The following DSTYK variants were observed in gnomAD, a reference collection of about 807,000 sequenced individuals.
The protein encoded by DSTYK is dual serine/threonine and tyrosine protein kinase, also known as RIP-homologous kinase.
Under a neutral mutation model 98.7 loss-of-function variants are expected in DSTYK, and 34 were observed. That is an observed-to-expected ratio of 0.34 (90% CI 0.26 to 0.46). The LOEUF (loss-of-function observed/expected upper bound fraction) is 0.46, where lower values mean the gene tolerates loss of function less well. Ranked by LOEUF, DSTYK falls within the 20% of genes least tolerant of loss-of-function variation. The pLI, the probability that DSTYK is intolerant of heterozygous loss-of-function variation, is 1.00. For missense variants in DSTYK, 962 were observed against 1,181.7 expected, an observed-to-expected ratio of 0.81 and a Z score of 2.73; for synonymous variants, 462 against 457.3, an observed-to-expected ratio of 1.01 and a Z score of -0.13.
intron 3 of DSTYK, among the ~76,000 whole-genome samples, chr1:205,168,085 G>A (rs1427020612): frequency 1.3e-5 from 2 of 152,184 alleles, no homozygotes; most frequent in Admixed American, 6.5e-5. Context: ...CAGCCTGGGC[G>A]ACAGAGCGAG....
chr1:205,160,196 G>GTCC lies in DSTYK; in HGVS notation c.2020_2022dup (p.Gly674dup). 1 of 1,614,074 alleles carries GTCC rather than the reference G, an allele frequency of 6.2e-7. No homozygotes were observed. ...ACTGATTTGAGGGCACAAGGGAAGT[G>GTCC]TCCTCCCCAGTTGTCACACAGGTAT... On this transcript the variant is annotated inframe_insertion, in exon 8 of 13. Coordinates refer to ENST00000367162, the MANE Select transcript of DSTYK (RefSeq NM_015375.3).
chr1:205,148,241 C>T lies in DSTYK; in HGVS notation c.2566G>A (p.Ala856Thr), dbSNP rs372521477. The stretch of plus-strand genomic sequence containing the variant: ...TTGTTCCAGAGATGGTCTTTGCTAG[C>T]ACACCTCTCAAATGCCTCAGGGAGC... ...VKLPEAFERC[A>T]SKDHLWNNVR... Residue 856 changes from alanine (A) to threonine (T), a missense_variant, in exon 12 of 13, where the codon GCT becomes ACT. Ala to Thr is a moderately conservative substitution (Grantham distance 58). Transcript: ENST00000367162. 5.6e-6 allele frequency: 9 copies of T among 1,614,048 alleles called. No homozygotes were observed. Among genetic ancestry groups the T allele is most frequent in the Non-Finnish European group, 7.6e-6 (9 of 1,180,022 alleles).
intron 1 of DSTYK, among the ~76,000 whole-genome samples, chr1:205,199,365 T>G (rs893865385): frequency 6.6e-6 from 1 of 152,226 alleles, no homozygotes; most frequent in South Asian, 2.1e-4. Flanking sequence ...GGGATACTGA[T>G]GAGTCTCCAT....
chr1:205,197,138 G>GAA (rs796935302), intron 1 of DSTYK, among the ~76,000 whole-genome samples: 2 of 137,284 alleles, frequency 1.5e-5, no homozygotes, highest in African/African-American at 5.3e-5. Flanking sequence ...GTGATGAAAG[G>GAA]AAAAAAAAAA....
chr1:205,208,948 C>A (rs1659284967), intron 1 of DSTYK, among the ~76,000 whole-genome samples: 2 of 152,182 alleles, frequency 1.3e-5, no homozygotes, highest in Non-Finnish European at 2.9e-5. Context: ...GGAAGAAAAG[C>A]ATTTTATGGA....
chr1:205,203,320 C>G (rs1419662607), intron 1 of DSTYK, among the ~76,000 whole-genome samples: 1 of 132,918 alleles, frequency 7.5e-6, no homozygotes, highest in Non-Finnish European at 1.6e-5. Context: ...CCGTCTCTAC[C>G]AAAAAAAAAA....
intron 10 of DSTYK, among the ~76,000 whole-genome samples, chr1:205,156,899 G>A (rs1474099859): frequency 6.6e-6 from 1 of 152,070 alleles, no homozygotes; most frequent in African/African-American, 2.4e-5. Flanking sequence ...TTAATCATGG[G>A]GACAGTCACC....
chr1:205,209,303 A>G (rs1440063733), intron 1 of DSTYK, among the ~76,000 whole-genome samples: 1 of 152,236 alleles, frequency 6.6e-6, no homozygotes, highest in Non-Finnish European at 1.5e-5. Context: ...ACTTCCGAGC[A>G]GGAGACACCT....
intron 2 of DSTYK, among the ~76,000 whole-genome samples, chr1:205,174,620 T>C (rs1305665019): frequency 6.7e-6 from 1 of 149,250 alleles, no homozygotes; most frequent in Non-Finnish European, 1.5e-5. Context: ...GAGGTGGAGG[T>C]TGCAGTGAGC....
chr1:205,192,951 T>A lies in DSTYK; in HGVS notation c.266-5145A>T, dbSNP rs1054099223. ...CTGGGGGCCAGTAGACAATGACCCCTACGCCACATTGTTTTCCAGTCTGGG... is the reference window on the plus strand; with the variant it reads ...CTGGGGGCCAGTAGACAATGACCCCAACGCCACATTGTTTTCCAGTCTGGG... On this transcript the variant is annotated intron_variant, in intron 1 of 12. Coordinates refer to ENST00000367162, the MANE Select transcript of DSTYK (RefSeq NM_015375.3). 2.6e-5 allele frequency among the ~76,000 whole-genome samples: 4 copies of A among 152,326 alleles called. No individual in the cohort carries two copies. The South Asian group carries it at 8.3e-4, about 32-fold the overall frequency.
chr1:205,148,223 A>T lies in DSTYK; in HGVS notation c.2584T>A (p.Trp862Arg). The T allele has an allele frequency of 6.2e-7, 1 of 1,614,162 alleles. No individual in the cohort carries two copies. Among genetic ancestry groups the T allele is most frequent in the Non-Finnish European group, 8.5e-7 (1 of 1,179,998 alleles). ...FERCASKDHLWNNVRRGARPE... is the reference protein window; with the variant it reads ...FERCASKDHLRNNVRRGARPE... ...CTCTTACCCCTCCGCACATTGTTCC[A>T]GAGATGGTCTTTGCTAGCACACCTC... Residue 862 changes from tryptophan to arginine, a missense_variant, in exon 12 of 13, where the codon TGG (tryptophan) becomes AGG (arginine). This residue lies in a region of DSTYK where 69 missense variants were observed against 142.9 expected (regional missense o/e 0.48). Transcript: ENST00000367162.
At chr1:205,148,168 A>G in intron 12 of DSTYK, 37 bp downstream of exon 12, 1 of 1,613,260 alleles carries the variant, frequency 6.2e-7, no homozygotes, top group South Asian at 1.1e-5. Flanking sequence ...TGCGCTAGCC[A>G]GGGGAGTTAG....
intron 2 of DSTYK, among the ~76,000 whole-genome samples, chr1:205,175,255 G>C (rs901256269): frequency 7.3e-5 from 11 of 151,706 alleles, no homozygotes; most frequent in Admixed American, 4.6e-4. Context: ...CGCACGCCCG[G>C]CAATTTTTTT....
At chr1:205,180,568 G>T (rs1658367796) in intron 2 of DSTYK, among the ~76,000 whole-genome samples, 1 of 152,156 alleles carries the variant, frequency 6.6e-6, no homozygotes, top group South Asian at 2.1e-4. Flanking sequence ...AGGCTCAAGT[G>T]GTCTTCCCGC....
chr1:205,170,068 C>G (rs1001075250), intron 2 of DSTYK, among the ~76,000 whole-genome samples: 13 of 152,180 alleles, frequency 8.5e-5, no homozygotes, highest in African/African-American at 3.1e-4. Flanking sequence ...ATGGCAACCC[C>G]TTTAGCCATC....
chr1:205,202,466 A>G (rs1031845866), intron 1 of DSTYK: 2 of 801,948 alleles, frequency 2.5e-6, no homozygotes, highest in Non-Finnish European at 4.4e-6. Flanking sequence ...TTTTTGCTAC[A>G]CATGCTTAAA....
At chr1:205,173,617 TA>T (rs1303692045) in intron 2 of DSTYK, among the ~76,000 whole-genome samples, 1 of 152,154 alleles carries the variant, frequency 6.6e-6, no homozygotes, top group African/African-American at 2.4e-5. Context: ...TGGATTATCT[TA>T]AAATTCTAGA....
At position 205,151,301 on chromosome 1, in the gene DSTYK, C is replaced by T. The variant is rs558969320; in HGVS notation, c.2353-507G>A. 8.5e-5 allele frequency among the ~76,000 whole-genome samples: 13 copies of T among 152,288 alleles called. No homozygotes were observed. The East Asian group carries it at 2.5e-3, about 29-fold the overall frequency. ...TTATAAACACTGTATATTTAGGCTA[C>T]ACTAAATTTATTTTTAAAAGCTTTT... On this transcript the variant is annotated intron_variant, in intron 10 of 12. Coordinates refer to ENST00000367162, the MANE Select transcript of DSTYK (RefSeq NM_015375.3).
chr1:205,151,624 C>T (rs1297669684), intron 10 of DSTYK, among the ~76,000 whole-genome samples: 2 of 150,196 alleles, frequency 1.3e-5, no homozygotes, highest in Non-Finnish European at 3.0e-5. Context: ...GCCACCATGC[C>T]TGGCTAATTT....
Sources: allele counts gnomAD v4.1 joint callset (sites outside exome capture counted in the v4.1 genomes callset), GRCh38; gene constraint gnomAD v4.1.1; regional missense constraint gnomAD v4.1.1; transcripts MANE v1.5; gene names NCBI Gene and HGNC (gene_info 2026-07-23, HGNC 2026-07-21).